UNC13C: variants seen among roughly 807,000 people sequenced by gnomAD.
UNC13C encodes protein unc-13 homolog C.
UNC13C carries 174 observed loss-of-function variants against 245.4 expected under a neutral mutation model. That is an observed-to-expected ratio of 0.71 (90% CI 0.63 to 0.80). The LOEUF (loss-of-function observed/expected upper bound fraction) is 0.80, where lower values mean the gene tolerates loss of function less well. Among genes scored for constraint, UNC13C ranks in the 30% least tolerant of loss-of-function variants. UNC13C has a pLI of 0.00. For synonymous variants in UNC13C, 992 were observed against 895.1 expected, an observed-to-expected ratio of 1.11 and a Z score of -1.93; for missense variants, 2,829 against 2,602.9, an observed-to-expected ratio of 1.09 and a Z score of -1.89.
chr15:54,620,783 C>T (rs1370017487), intron 30 of UNC13C, among the ~76,000 whole-genome samples: 1 of 76,562 alleles, frequency 1.3e-5, no homozygotes, highest in Non-Finnish European at 2.7e-5. Flanking sequence ...AAGACCCTGT[C>T]TCAAAAAAAA....
At chr15:54,262,749 C>T (rs2036459092) in intron 8 of UNC13C, among the ~76,000 whole-genome samples, 1 of 151,964 alleles carries the variant, frequency 6.6e-6, no homozygotes, top group African/African-American at 2.4e-5. Context: ...AGGTAGACTG[C>T]TCTTTCTACC....
intron 13 of UNC13C, among the ~76,000 whole-genome samples, chr15:54,319,655 C>A (rs1489451408): frequency 6.7e-6 from 1 of 149,338 alleles, no homozygotes; most frequent in Non-Finnish European, 1.5e-5. Context: ...TCAGGACCAT[C>A]ATTTATTTTT....
chr15:53,946,448 TTTG>T, the UNC13C span, among the ~76,000 whole-genome samples: 1,878 of 85,346 alleles, frequency 0.022, 40 homozygotes, highest in African/African-American at 0.055. Flanking sequence ...TGTTCTTTTT[TTTG>T]TTTTTTTTTT....
chr15:53,936,184 G>T, the UNC13C span, among the ~76,000 whole-genome samples: 1 of 152,176 alleles, frequency 6.6e-6, no homozygotes, highest in African/African-American at 2.4e-5. Context: ...TGCAGTTCCA[G>T]TCAGCCATTG....
At chr15:54,512,126 A>G (rs10152949) in intron 24 of UNC13C, among the ~76,000 whole-genome samples, 46,211 of 152,092 alleles carry the variant, frequency 0.3, 7,360 homozygotes, top group African/African-American at 0.39. Flanking sequence ...TTTGTATGCT[A>G]ATGACTTGTA....
At position 54,421,546 on chromosome 15, in the gene UNC13C, A is replaced by G. The variant is rs11633910; in HGVS notation, c.4933+6479A>G. Among the ~76,000 whole-genome samples the G allele has an allele frequency of 2.0e-3, 299 of 152,124 alleles. 1 individual carries two copies. Among genetic ancestry groups the G allele is most frequent in the Admixed American group, 6.7e-3 (102 of 15,260 alleles). ...CCCCATCCCACATCTACCTAATCAG[A>G]CATCCTGGGAATAGGGCCCAGCAAT... On this transcript the variant is annotated intron_variant, in intron 19 of 32. Coordinates refer to ENST00000260323, the MANE Select transcript of UNC13C (RefSeq NM_001080534.3).
intron 18 of UNC13C, among the ~76,000 whole-genome samples, chr15:54,397,051 A>G (rs888626480): frequency 2.0e-5 from 3 of 151,378 alleles, no homozygotes; most frequent in African/African-American, 7.2e-5. Context: ...AGTCCAATTT[A>G]TTGATCAGTT....
chr15:53,996,831 G>A (rs1001179857), intron 1 of UNC13C, among the ~76,000 whole-genome samples: 27 of 81,558 alleles, frequency 3.3e-4, no homozygotes, highest in African/African-American at 7.9e-4. Context: ...TCTCCTGATG[G>A]GTTTTTTTTT....
intron 2 of UNC13C, among the ~76,000 whole-genome samples, chr15:54,130,007 C>A (rs974292184): frequency 2.0e-5 from 3 of 149,880 alleles, no homozygotes; most frequent in African/African-American, 7.3e-5. Context: ...TATAACCTTT[C>A]TTCTGTTACA....
At chr15:54,366,323 T>C (rs1176240389) in intron 17 of UNC13C, among the ~76,000 whole-genome samples, 1 of 152,184 alleles carries the variant, frequency 6.6e-6, no homozygotes, top group African/African-American at 2.4e-5. Context: ...TGTTCAGCCC[T>C]CTTCAGATTT....
At chr15:54,372,881 T>C (rs892736942) in intron 17 of UNC13C, among the ~76,000 whole-genome samples, 1 of 152,140 alleles carries the variant, frequency 6.6e-6, no homozygotes, top group Non-Finnish European at 1.5e-5. Context: ...GACAATCGAG[T>C]TAGTCAATTT....
intron 13 of UNC13C, among the ~76,000 whole-genome samples, chr15:54,315,928 C>T (rs909195534): frequency 1.3e-5 from 2 of 151,848 alleles, no homozygotes; most frequent in South Asian, 2.1e-4. Flanking sequence ...CATCTACACA[C>T]AACTACTCTA....
At chr15:54,039,159 G>T (rs972384127) in intron 2 of UNC13C, among the ~76,000 whole-genome samples, 3 of 152,156 alleles carry the variant, frequency 2.0e-5, no homozygotes, top group African/African-American at 4.8e-5. Context: ...CAGTCTCATC[G>T]AGATTGTTTG....
At position 54,166,368 on chromosome 15, in the gene UNC13C, A is replaced by T. The variant is rs961065123; in HGVS notation, c.3071+22684A>T. 2.6e-5 allele frequency among the ~76,000 whole-genome samples: 4 copies of T among 152,234 alleles called. No individual in the cohort carries two copies. The South Asian group carries it at 6.2e-4, about 24-fold the overall frequency. ...ATTATTTATTACCCAATCATATCTTAAAAATATTATTTCTCCAAATTTTTA... is the reference window on the plus strand; with the variant it reads ...ATTATTTATTACCCAATCATATCTTTAAAATATTATTTCTCCAAATTTTTA... On this transcript the variant is annotated intron_variant, in intron 4 of 32. Coordinates refer to ENST00000260323, the MANE Select transcript of UNC13C (RefSeq NM_001080534.3).
At chr15:53,855,632 C>T in the UNC13C span, among the ~76,000 whole-genome samples, 1 of 152,024 alleles carries the variant, frequency 6.6e-6, no homozygotes, top group Non-Finnish European at 1.5e-5. Flanking sequence ...AAGCTTGCAC[C>T]CTAGGAATGA....
intron 2 of UNC13C, among the ~76,000 whole-genome samples, chr15:54,082,547 A>G (rs1306777386): frequency 2.0e-5 from 3 of 151,952 alleles, no homozygotes; most frequent in African/African-American, 7.3e-5. Context: ...CTTGCAATCT[A>G]TACTTTAAAT....
intron 4 of UNC13C, among the ~76,000 whole-genome samples, chr15:54,178,491 A>T (rs10459593): frequency 0.17 from 25,695 of 152,108 alleles, 2,629 homozygotes; most frequent in East Asian, 0.24. Flanking sequence ...AACTCCTAGC[A>T]TCTTAAGTGA....
At chr15:53,886,399 A>C in the UNC13C span, among the ~76,000 whole-genome samples, 33 of 152,314 alleles carry the variant, frequency 2.2e-4, no homozygotes, top group African/African-American at 7.0e-4. Flanking sequence ...GCCAACAAAA[A>C]GAGCTTTCAA....
chr15:54,149,727 T>A (rs2032435433), intron 4 of UNC13C, among the ~76,000 whole-genome samples: 1 of 152,212 alleles, frequency 6.6e-6, no homozygotes, highest in African/African-American at 2.4e-5. Flanking sequence ...TAAAGGACAG[T>A]TGGCCCTCTG....
Sources: allele counts gnomAD v4.1 joint callset (sites outside exome capture counted in the v4.1 genomes callset), GRCh38; gene constraint gnomAD v4.1.1; transcripts MANE v1.5; gene names NCBI Gene and HGNC (gene_info 2026-07-23, HGNC 2026-07-21).